The following ZEB2 variants were observed in gnomAD, a reference collection of about 807,000 sequenced individuals.
The protein encoded by ZEB2 is zinc finger E-box-binding homeobox 2.
A neutral mutation model predicts 99.9 loss-of-function variants in ZEB2; 6 were observed. The observed-to-expected ratio is 0.06, with a 90% CI of 0.03 to 0.12. The LOEUF (loss-of-function observed/expected upper bound fraction) is 0.12, where lower values mean the gene tolerates loss of function less well. ZEB2 is among the 10% of genes least tolerant of loss of function. ZEB2 has a pLI of 1.00. For missense variants in ZEB2, 969 were observed against 1,502.8 expected (o/e 0.64, Z 5.87); for synonymous variants, 517 against 542.5 (o/e 0.95, Z 0.65).
At chr2:144,460,742 A>T (rs1259885247) in intron 2 of ZEB2, among the ~76,000 whole-genome samples, 1 of 152,050 alleles carries the variant, frequency 6.6e-6, no homozygotes, top group Admixed American at 6.6e-5. Flanking sequence ...GAGACTCTAA[A>T]CTTCTTTTAG....
At chr2:144,407,181 A>G (rs1346021893) in intron 4 of ZEB2, among the ~76,000 whole-genome samples, 2 of 152,238 alleles carry the variant, frequency 1.3e-5, no homozygotes, top group East Asian at 3.8e-4. Context: ...GTAATCCTGA[A>G]TGCTGTGATC....
At chr2:144,516,250 C>A (rs933060407) in intron 2 of ZEB2, 1 of 147,512 alleles carries the variant, frequency 6.8e-6, no homozygotes, top group East Asian at 2.0e-4. Context: ...CGCTAGTCCC[C>A]AGCCCTCTCC....
At chr2:144,498,794 G>A (rs1237849627) in intron 2 of ZEB2, among the ~76,000 whole-genome samples, 1 of 152,170 alleles carries the variant, frequency 6.6e-6, no homozygotes, top group Non-Finnish European at 1.5e-5. Context: ...CCTGAAATCA[G>A]AGGATAGAAA....
intron 2 of ZEB2, among the ~76,000 whole-genome samples, chr2:144,433,187 T>G (rs1243178741): frequency 6.6e-6 from 1 of 152,124 alleles, no homozygotes; most frequent in East Asian, 1.9e-4. Flanking sequence ...TGGCTCAAAA[T>G]AGACACTAAT....
chr2:144,455,522 C>T (rs2149901816), intron 2 of ZEB2, among the ~76,000 whole-genome samples: 1 of 152,222 alleles, frequency 6.6e-6, no homozygotes, highest in Non-Finnish European at 1.5e-5. Context: ...GGTTTGGAAG[C>T]TTCAATTAAA....
At chr2:144,428,685 C>T (rs1185347509) in intron 3 of ZEB2, 1 of 152,116 alleles carries the variant, frequency 6.6e-6, no homozygotes, top group Non-Finnish European at 1.5e-5. Flanking sequence ...ATTTAATTTT[C>T]TTTCGTAGTG....
Position 144,400,506 on chromosome 2 carries a change from G to A in ZEB2, c.917-236C>T, listed in dbSNP as rs115439820. On this transcript the variant is annotated intron_variant, in intron 7 of 9. Coordinates refer to ENST00000627532, the MANE Select transcript of ZEB2 (RefSeq NM_014795.4). The stretch of plus-strand genomic sequence containing the variant: ...GTAAGGGCTATCTATGCCTTTTTCA[G>A]CTGAGATCCCAAATCTTGTCTGCCA... 1.9e-3 allele frequency among the ~76,000 whole-genome samples: 287 copies of A among 152,324 alleles called. 5 individuals are homozygous for A. In the South Asian group the frequency reaches 0.03, roughly 16 times the overall value.
intron 2 of ZEB2, among the ~76,000 whole-genome samples, chr2:144,440,275 G>C (rs921233937): frequency 6.6e-6 from 1 of 151,974 alleles, no homozygotes; most frequent in Non-Finnish European, 1.5e-5. Context: ...ATTTACTTAA[G>C]AGACGCTTGG....
At position 144,404,939 on chromosome 2, in the gene ZEB2, G is replaced by A. The variant is rs138859323; in HGVS notation, c.489C>T (p.Ile163=). 4,860 of 1,614,212 alleles carry A rather than the reference G, an allele frequency of 3.0e-3. 50 individuals are homozygous for A. In the Middle Eastern group the frequency reaches 0.056, roughly 19 times the overall value. Reference sequence around the variant, plus strand: ...TGTCACTGCGCTGAAGGTACTCCTCGATGCTGACTGCATGACCATCGCGTT... The same window carrying A: ...TGTCACTGCGCTGAAGGTACTCCTCAATGCTGACTGCATGACCATCGCGTT... The part of the protein sequence containing the change: ...LEERDGHAVS[I]EEYLQRSDTA... Residue 163 remains isoleucine, a synonymous_variant, in exon 5 of 10, where the codon ATC becomes ATT. Transcript: ENST00000627532.
chr2:144,412,304 A>G (rs937832367), intron 4 of ZEB2, among the ~76,000 whole-genome samples: 2 of 152,242 alleles, frequency 1.3e-5, no homozygotes, highest in African/African-American at 4.8e-5. Flanking sequence ...TATAGACAAT[A>G]TGCACTTGTC....
intron 6 of ZEB2, among the ~76,000 whole-genome samples, chr2:144,402,613 G>A (rs1376128158): frequency 6.6e-6 from 1 of 152,140 alleles, no homozygotes; most frequent in Admixed American, 6.5e-5. Context: ...CAAATGAGGG[G>A]ACTTTTCAAC....
At chr2:144,443,079 A>G (rs1703937239) in intron 2 of ZEB2, among the ~76,000 whole-genome samples, 1 of 152,160 alleles carries the variant, frequency 6.6e-6, no homozygotes, top group Non-Finnish European at 1.5e-5. Context: ...TCAAACTTAG[A>G]TCCTTGGGGA....
chr2:144,509,995 T>A (rs1318482437), intron 2 of ZEB2, among the ~76,000 whole-genome samples: 1 of 151,966 alleles, frequency 6.6e-6, no homozygotes, highest in Non-Finnish European at 1.5e-5. Flanking sequence ...CAGTTTGAGA[T>A]ACAAAAAGGC....
In ZEB2 at chr2:144,430,012, T is replaced by C. The variant is rs1703748681; in HGVS notation, c.88A>G (p.Asn30Asp). The stretch of plus-strand genomic sequence containing the variant: ...GTTTCAGAACCTGTGTCCACTACAT[T>C]GTCATAGTTCACCACTGCAGAAGAA... ...PRRKNVVNYD[N>D]VVDTGSETDE... The change falls in exon 3 of 10, where the codon AAT becomes GAT. Residue 30 changes from asparagine (N) to aspartate (D), a missense_variant. Physicochemically the swap from Asn to Asp is conservative, Grantham distance 23 (BLOSUM62 1). Coordinates refer to ENST00000627532, the MANE Select transcript of ZEB2 (RefSeq NM_014795.4). 1.2e-6 allele frequency: 2 copies of C among 1,613,486 alleles called. No individual in the cohort carries two copies. The highest frequency in any genetic ancestry group is 4.5e-5 in the East Asian group (2 of 44,866).
intron 4 of ZEB2, among the ~76,000 whole-genome samples, chr2:144,417,508 GT>G (rs1703556478): frequency 6.6e-6 from 1 of 152,118 alleles, no homozygotes; most frequent in Non-Finnish European, 1.5e-5. Context: ...TGATATTTAT[GT>G]TTCTGTGCTT....
chr2:144,399,770 T>C lies in ZEB2; in HGVS notation c.1417A>G (p.Arg473Gly), dbSNP rs898787759. ...TCAGCCTTGCAGTCCATTTTTTGCC[T>C]GGAAACAGTATTGTCCACAATCTGT... ...VLQIVDNTVSRQKMDCKAEEI... is the reference protein window; with the variant it reads ...VLQIVDNTVSGQKMDCKAEEI... The change falls in exon 8 of 10, where the codon AGG (arginine) becomes GGG (glycine). Residue 473 changes from arginine (R) to glycine (G), a missense_variant. This residue lies in a region of ZEB2 where 227 missense variants were observed against 278.2 expected (regional missense o/e 0.82). Transcript: ENST00000627532. This position sits in a 1 kb window ranked among gnomAD's most constrained non-coding sequence, Gnocchi z 5.6. 3 of 1,613,964 alleles carry C rather than the reference T, an allele frequency of 1.9e-6. No homozygotes were observed. The highest frequency in any genetic ancestry group is 2.5e-6 in the Non-Finnish European group (3 of 1,179,944).
At chr2:144,485,093 C>T (rs1704575654) in intron 2 of ZEB2, among the ~76,000 whole-genome samples, 1 of 152,144 alleles carries the variant, frequency 6.6e-6, no homozygotes, top group South Asian at 2.1e-4. Flanking sequence ...AAATAATTAA[C>T]ATACAAAACT....
At chr2:144,472,105 C>T (rs1704365168) in intron 2 of ZEB2, among the ~76,000 whole-genome samples, 2 of 151,734 alleles carry the variant, frequency 1.3e-5, no homozygotes, top group African/African-American at 4.8e-5. Context: ...GAAAAAAAAA[C>T]TAATTTCAGG....
At chr2:144,468,031 T>C (rs1704295852) in intron 2 of ZEB2, among the ~76,000 whole-genome samples, 1 of 152,056 alleles carries the variant, frequency 6.6e-6, no homozygotes, top group African/African-American at 2.4e-5. Flanking sequence ...AAAGTGATTG[T>C]ATCGGTAATA....
Sources: allele counts gnomAD v4.1 joint callset (sites outside exome capture counted in the v4.1 genomes callset), GRCh38; gene constraint gnomAD v4.1.1; regional missense constraint gnomAD v4.1.1; non-coding constraint Gnocchi (gnomAD v3.1); transcripts MANE v1.5; gene names NCBI Gene and HGNC (gene_info 2026-07-23, HGNC 2026-07-21).